The following ROBO2 variants were observed in gnomAD, a reference collection of about 807,000 sequenced individuals.
ROBO2 encodes roundabout guidance receptor 2.
Under a neutral mutation model 160.8 loss-of-function variants are expected in ROBO2, and 53 were observed. That is an observed-to-expected ratio of 0.33 (90% CI 0.26 to 0.41). The LOEUF (loss-of-function observed/expected upper bound fraction) is 0.41. Among genes scored for constraint, ROBO2 ranks in the 10% least tolerant of loss-of-function variants. The probability of loss-of-function intolerance (pLI) is 1.00; values close to 1 mark genes in which losing one functional copy is unlikely to be tolerated. For synonymous variants in ROBO2, 664 were observed against 611.7 expected, an observed-to-expected ratio of 1.09 and a Z score of -1.26; for missense variants, 1,577 against 1,722.4, an observed-to-expected ratio of 0.92 and a Z score of 1.49.
At chr3:76,524,278 A>G (rs548863364) in intron 2 of ROBO2, among the ~76,000 whole-genome samples, 1 of 152,018 alleles carries the variant, frequency 6.6e-6, no homozygotes, top group African/African-American at 2.4e-5. Flanking sequence ...AACATTTACT[A>G]AAGAGTAGTG....
chr3:76,561,937 C>A (rs2084208465), intron 2 of ROBO2, among the ~76,000 whole-genome samples: 1 of 152,138 alleles, frequency 6.6e-6, no homozygotes, highest in South Asian at 2.1e-4. Context: ...CAACATGCAT[C>A]CTTTTCAGGA....
chr3:76,948,874 TTATATATATATATATA>T (rs71104642), intron 2 of ROBO2, among the ~76,000 whole-genome samples: 3 of 48,616 alleles, frequency 6.2e-5, no homozygotes, highest in African/African-American at 2.1e-4. Context: ...CCGGCTAATT[TTATATATATATATATA>T]TATATATATA....
intron 2 of ROBO2, among the ~76,000 whole-genome samples, chr3:76,701,161 A>G (rs554239586): frequency 2.6e-5 from 4 of 152,174 alleles, no homozygotes; most frequent in African/African-American, 9.6e-5. Context: ...ATGGCTAAAA[A>G]CCATATTAAT....
At chr3:76,193,446 A>C (rs1702106319) in intron 2 of ROBO2, among the ~76,000 whole-genome samples, 2 of 152,180 alleles carry the variant, frequency 1.3e-5, no homozygotes, top group African/African-American at 4.8e-5. Context: ...TTAGTTGTCC[A>C]AACAGAATAT....
At chr3:76,028,535 A>C (rs1043323757) in intron 2 of ROBO2, among the ~76,000 whole-genome samples, 13 of 152,014 alleles carry the variant, frequency 8.6e-5, no homozygotes, top group Admixed American at 2.0e-4. Context: ...GTTGCTAATG[A>C]ATAAGGAAAG....
At chr3:76,393,211 T>C (rs1344532573) in intron 2 of ROBO2, among the ~76,000 whole-genome samples, 1 of 152,132 alleles carries the variant, frequency 6.6e-6, no homozygotes, top group Non-Finnish European at 1.5e-5. Context: ...TAAGAATCTC[T>C]AGATATGGAA....
intron 2 of ROBO2, among the ~76,000 whole-genome samples, chr3:77,352,216 G>T (rs1033252992): frequency 2.0e-4 from 30 of 148,456 alleles, no homozygotes; most frequent in Admixed American, 6.8e-5. Flanking sequence ...AATGATTTAT[G>T]CTCTCTCTTT....
At chr3:76,154,909 A>G (rs886973211) in intron 2 of ROBO2, among the ~76,000 whole-genome samples, 2 of 152,164 alleles carry the variant, frequency 1.3e-5, no homozygotes, top group Non-Finnish European at 2.9e-5. Flanking sequence ...GGACAAATAT[A>G]TATTGTGGTT....
intron 2 of ROBO2, among the ~76,000 whole-genome samples, chr3:77,367,628 C>A (rs2071098678): frequency 6.6e-6 from 1 of 152,204 alleles, no homozygotes; most frequent in African/African-American, 2.4e-5. Context: ...AGAGTTCCAA[C>A]CTTTAAGAGC....
At chr3:76,717,718 G>A (rs2093404217) in intron 2 of ROBO2, among the ~76,000 whole-genome samples, 2 of 151,956 alleles carry the variant, frequency 1.3e-5, no homozygotes, top group Non-Finnish European at 2.9e-5. Flanking sequence ...TCTAAAGCAG[G>A]TCTTAAAAAA....
At chr3:77,577,688 C>A in intron 15 of ROBO2, 74 bp downstream of exon 16, 1 of 1,530,254 alleles carries the variant, frequency 6.5e-7, no homozygotes, top group African/African-American at 1.4e-5. Flanking sequence ...ACGAATGAGA[C>A]ACATCTCTAA....
At chr3:76,492,436 T>C (rs887815036) in intron 2 of ROBO2, among the ~76,000 whole-genome samples, 4 of 152,128 alleles carry the variant, frequency 2.6e-5, no homozygotes, top group African/African-American at 9.7e-5. Context: ...TAGGGCAGCA[T>C]TAAAAATTAT....
At chr3:77,117,164 A>G (rs2074291467) in intron 2 of ROBO2, among the ~76,000 whole-genome samples, 1 of 152,186 alleles carries the variant, frequency 6.6e-6, no homozygotes, top group Non-Finnish European at 1.5e-5. Flanking sequence ...TTTTTATAAC[A>G]TTTTTACACT....
intron 23 of ROBO2, 101 bp downstream of exon 24, chr3:77,622,533 T>C (rs951831308): frequency 2.3e-5 from 22 of 968,040 alleles, no homozygotes; most frequent in Non-Finnish European, 3.4e-5. Flanking sequence ...CCACTCCATC[T>C]ATTTCTGTAA....
chr3:76,066,864 A>G (rs1365759097), intron 2 of ROBO2, among the ~76,000 whole-genome samples: 1 of 152,140 alleles, frequency 6.6e-6, no homozygotes, highest in African/African-American at 2.4e-5. Context: ...GATATAATCA[A>G]TCAAGTTAGT....
intron 2 of ROBO2, among the ~76,000 whole-genome samples, chr3:77,264,338 T>C (rs911390936): frequency 7.2e-5 from 11 of 152,198 alleles, no homozygotes; most frequent in Non-Finnish European, 1.6e-4. Context: ...AACTCCTGAC[T>C]TTGTTCATTG....
At chr3:77,220,494 A>AT (rs368574505) in intron 2 of ROBO2, among the ~76,000 whole-genome samples, 2,217 of 152,160 alleles carry the variant, frequency 0.015, 51 homozygotes, top group African/African-American at 0.05. Flanking sequence ...TATATATGTC[A>AT]TTTTTTATAC....
intron 2 of ROBO2, among the ~76,000 whole-genome samples, chr3:77,431,853 A>G (rs768917568): frequency 1.3e-5 from 2 of 152,168 alleles, no homozygotes; most frequent in Non-Finnish European, 2.9e-5. Flanking sequence ...AAGGAAGTCT[A>G]CAAGAAAGAT....
chr3:76,473,227 C>A (rs2078759933), intron 2 of ROBO2, among the ~76,000 whole-genome samples: 1 of 152,124 alleles, frequency 6.6e-6, no homozygotes, highest in East Asian at 1.9e-4. Context: ...GTCAGCTCCT[C>A]ATATTCTATT....
Sources: allele counts gnomAD v4.1 joint callset (sites outside exome capture counted in the v4.1 genomes callset), GRCh38; gene constraint gnomAD v4.1.1; transcripts MANE v1.5; gene names NCBI Gene and HGNC (gene_info 2026-07-23, HGNC 2026-07-21).